CALN1: variants seen among roughly 807,000 people sequenced by gnomAD.
CALN1 encodes the protein calneuron 1.
Under a neutral mutation model 30.6 loss-of-function variants are expected in CALN1, and 17 were observed. The observed-to-expected ratio is 0.56, with a 90% CI of 0.38 to 0.83. The LOEUF (loss-of-function observed/expected upper bound fraction) is 0.83. Ranked by LOEUF, CALN1 falls within the 40% of genes least tolerant of loss-of-function variation. The pLI is 0.00. For missense variants in CALN1, 291 were observed against 354.9 expected (o/e 0.82, Z 1.45); for synonymous variants, 156 against 131.4 (o/e 1.19, Z -1.28).
chr7:72,301,783 AAG>A (rs754847553), intron 2 of CALN1, among the ~76,000 whole-genome samples: 4 of 152,128 alleles, frequency 2.6e-5, no homozygotes, highest in Non-Finnish European at 5.9e-5. Context: ...ACTGCTATAA[AAG>A]AGTTTGCAGC....
chr7:72,391,725 G>GTT (rs1262110613), intron 2 of CALN1, among the ~76,000 whole-genome samples: 2 of 152,004 alleles, frequency 1.3e-5, no homozygotes, highest in Non-Finnish European at 2.9e-5. Flanking sequence ...TTTTGTTTTT[G>GTT]TTTTTGTTTT....
At chr7:72,335,451 GAGA>G (rs1342292378) in intron 2 of CALN1, among the ~76,000 whole-genome samples, 5 of 152,212 alleles carry the variant, frequency 3.3e-5, no homozygotes, top group African/African-American at 9.6e-5. Flanking sequence ...CATTCTTTCT[GAGA>G]AGGTCATCCC....
chr7:72,354,373 A>G (rs748571349), intron 2 of CALN1, among the ~76,000 whole-genome samples: 6 of 152,350 alleles, frequency 3.9e-5, no homozygotes, highest in South Asian at 2.1e-4. Flanking sequence ...TAAGATGTCA[A>G]TTCTCTCCAA....
intron 5 of CALN1, among the ~76,000 whole-genome samples, chr7:72,014,551 C>G (rs1240178684): frequency 7.9e-5 from 12 of 152,188 alleles, no homozygotes; most frequent in Admixed American, 7.9e-4. Context: ...TATCAGTTGT[C>G]TATTGCTCTT....
chr7:72,100,943 C>A (rs1806615434), intron 4 of CALN1, among the ~76,000 whole-genome samples: 1 of 151,182 alleles, frequency 6.6e-6, no homozygotes, highest in East Asian at 2.0e-4. Flanking sequence ...CACATTTAGT[C>A]CATTTGACTA....
At chr7:72,336,994 T>TCC (rs1426472646) in intron 2 of CALN1, 24 of 985,272 alleles carry the variant, frequency 2.4e-5, no homozygotes, top group Non-Finnish European at 2.8e-5. Context: ...CCTGTCCTTG[T>TCC]CCTCTGCTCT....
At chr7:72,451,417 GGGGA>G (rs920539608), upstream of CALN1, among the ~76,000 whole-genome samples, 2 of 139,696 alleles carry the variant, frequency 1.4e-5, no homozygotes, top group African/African-American at 2.6e-5. Context: ...GGAGTAGGAG[GGGGA>G]TTTGGGGAAG....
chr7:72,068,377 G>A (rs564013532), intron 4 of CALN1, among the ~76,000 whole-genome samples: 24 of 152,040 alleles, frequency 1.6e-4, no homozygotes, highest in Non-Finnish European at 2.6e-4. Flanking sequence ...TTAACTACAC[G>A]CACACCACTT....
chr7:72,033,283 TA>T (rs909812498), intron 4 of CALN1, among the ~76,000 whole-genome samples: 4 of 152,028 alleles, frequency 2.6e-5, no homozygotes, highest in African/African-American at 7.3e-5. Context: ...AAATAATCCT[TA>T]AAAAAATCAC....
chr7:72,276,943 A>G (rs1797373637), intron 3 of CALN1, among the ~76,000 whole-genome samples: 1 of 152,258 alleles, frequency 6.6e-6, no homozygotes, highest in Non-Finnish European at 1.5e-5. Context: ...ACACAGCAAG[A>G]AAAGTGACAT....
At chr7:71,881,865 G>A (rs945835458) in intron 5 of CALN1, among the ~76,000 whole-genome samples, 5 of 151,248 alleles carry the variant, frequency 3.3e-5, no homozygotes, top group Middle Eastern at 3.2e-3. Context: ...TTGAGGCCAG[G>A]AGTTTGAGGT....
intron 2 of CALN1, among the ~76,000 whole-genome samples, chr7:72,307,699 G>A (rs1476528823): frequency 1.3e-5 from 2 of 152,134 alleles, no homozygotes; most frequent in Non-Finnish European, 2.9e-5. Flanking sequence ...GGGAGGTGAC[G>A]CTGGTCACAG....
chr7:72,118,495 A>C (rs1198738436), intron 3 of CALN1, among the ~76,000 whole-genome samples: 1 of 152,234 alleles, frequency 6.6e-6, no homozygotes, highest in Non-Finnish European at 1.5e-5. Flanking sequence ...GCATAAAGTT[A>C]ATCTGTCCCC....
intron 3 of CALN1, among the ~76,000 whole-genome samples, chr7:72,187,327 G>A (rs1996399): frequency 0.21 from 31,233 of 152,030 alleles, 4,077 homozygotes; most frequent in Middle Eastern, 0.34. Context: ...CCATAGAGAT[G>A]CAGATTAGTA....
At chr7:72,411,710 A>C (rs112790437) in intron 1 of CALN1, among the ~76,000 whole-genome samples, 3 of 152,370 alleles carry the variant, frequency 2.0e-5, no homozygotes, top group African/African-American at 4.8e-5. Flanking sequence ...ACTAACTGGA[A>C]GACACAGCCA....
intron 4 of CALN1, among the ~76,000 whole-genome samples, chr7:72,049,606 C>T (rs562006525): frequency 6.6e-6 from 1 of 152,284 alleles, no homozygotes; most frequent in East Asian, 1.9e-4. Context: ...CTCCCAGGTT[C>T]AAGCGATTCT....
intron 2 of CALN1, among the ~76,000 whole-genome samples, chr7:72,292,079 T>C (rs974289034): frequency 6.6e-6 from 1 of 151,658 alleles, no homozygotes; most frequent in African/African-American, 2.4e-5. Flanking sequence ...AAGTTGCTAC[T>C]AGGTTGTACA....
At chr7:72,182,365 G>GC (rs1789872865) in intron 3 of CALN1, among the ~76,000 whole-genome samples, 1 of 152,116 alleles carries the variant, frequency 6.6e-6, no homozygotes, top group South Asian at 2.1e-4. Flanking sequence ...ATAGAGATGA[G>GC]CATGTGGTTG....
chr7:72,187,992 G>A (rs370962877), intron 3 of CALN1, among the ~76,000 whole-genome samples: 1 of 152,042 alleles, frequency 6.6e-6, no homozygotes, highest in South Asian at 2.1e-4. Context: ...GTGTGGATGC[G>A]GTGAAAAGGA....
Sources: gnomAD v4.1 joint callset for allele counts (sites outside exome capture counted in the v4.1 genomes callset) on GRCh38, gnomAD v4.1.1 for gene constraint, MANE v1.5 for transcripts, NCBI Gene and HGNC (gene_info 2026-07-23, HGNC 2026-07-21) for gene names.